The following JPT2 variants were observed in gnomAD, a reference collection of about 807,000 sequenced individuals.
JPT2 encodes CRAMP_1 like.
Under a neutral mutation model 15.9 loss-of-function variants are expected in JPT2, and 9 were observed. The observed-to-expected ratio is 0.57, with a 90% CI of 0.34 to 0.99. The LOEUF (loss-of-function observed/expected upper bound fraction) is 0.99, where lower values mean the gene tolerates loss of function less well. Ranked by LOEUF, JPT2 falls within the 50% of genes least tolerant of loss-of-function variation. The pLI is 0.02. For synonymous variants in JPT2, 95 were observed against 91.7 expected, an observed-to-expected ratio of 1.04 and a Z score of -0.21; for missense variants, 267 against 252.1, an observed-to-expected ratio of 1.06 and a Z score of -0.40.
chr16:1,699,220 C>A lies in JPT2; in HGVS notation c.*222C>A. The A allele has an allele frequency of 5.0e-5, 30 of 601,062 alleles. No individual in the cohort carries two copies. The highest frequency in any genetic ancestry group is 5.3e-5 in the Non-Finnish European group (17 of 321,868). The allele number at this position is 601,062 out of a possible 1,614,324, so 37.2% of individuals were successfully genotyped here. On this transcript the variant is annotated 3_prime_UTR_variant, in exon 5 of 5. Transcript: ENST00000248098. ...GGGGATGAAATGGGGCACCCCTGGCCATCACTCATGTGTAGTCCAGGTTTG... is the reference window on the plus strand; with the variant it reads ...GGGGATGAAATGGGGCACCCCTGGCAATCACTCATGTGTAGTCCAGGTTTG...
intron 3 of JPT2, 89 bp from the exon 4 acceptor site, chr16:1,697,723 A>G: frequency 3.3e-6 from 4 of 1,229,780 alleles, no homozygotes; most frequent in African/African-American, 1.5e-5. Context: ...GTAAATTAAA[A>G]GGTTATATGG....
At chr16:1,685,808 T>A (rs2037060626) in intron 2 of JPT2, 3 of 424,562 alleles carry the variant, frequency 7.1e-6, no homozygotes, top group Non-Finnish European at 8.1e-6. Flanking sequence ...TTTGGTTGAA[T>A]ACAGGCACTG....
In JPT2 at chr16:1,698,890, G is replaced by A. The variant is rs771797906; in HGVS notation, c.465G>A (p.Glu155=). Residue 155 remains glutamate (E), a synonymous_variant, in exon 5 of 5, where the codon GAG becomes GAA. Transcript: ENST00000248098. The surrounding 1 kb of genome is among the most constrained non-coding windows in gnomAD (Gnocchi z 4.9). ...AAGCAGGCCCCGCCAAGGAGCAGGA[G>A]CCCATGCCCACAGTCGACAGCCATG... is the stretch of plus-strand genomic sequence containing the variant. The part of the protein sequence containing the change: ...ARKAGPAKEQ[E]PMPTVDSHEP... The A allele has an allele frequency of 1.1e-5, 17 of 1,614,128 alleles. No homozygotes were observed. The highest frequency in any genetic ancestry group is 1.6e-4 in the Middle Eastern group (1 of 6,082).
At position 1,689,382 on chromosome 16, in the gene JPT2, A is replaced by G. The variant is rs530190856; in HGVS notation, c.194-2461A>G. 6 of 152,312 alleles carry G rather than the reference A, an allele frequency of 3.9e-5. No homozygotes were observed. In the East Asian group the frequency reaches 1.2e-3, roughly 29 times the overall value. The allele number at this position is 152,312 out of a possible 1,614,324, so 9.4% of individuals were successfully genotyped here. A position where few individuals can be genotyped will look rare whatever the true frequency, so the allele number is the denominator to read the frequency against. On this transcript the variant is annotated intron_variant, in intron 2 of 4. Transcript: ENST00000248098. ...CTGAGGGCTTACTCAGCAGGCCAGG[A>G]CTATTCTAACCACGTCACCTGAGTT... is the stretch of plus-strand genomic sequence containing the variant.
Position 1,700,269 on chromosome 16 carries a change from A to G in JPT2, c.*1271A>G. 1 of 424,802 alleles carries G rather than the reference A, an allele frequency of 2.4e-6. No individual in the cohort carries two copies. The highest frequency in any genetic ancestry group is 4.9e-6 in the Non-Finnish European group (1 of 204,126). 26.3% of individuals were successfully genotyped at this position (424,802 alleles called of 1,614,324 possible). ...TTCCCTGAGCTTTGCTCACTCAGCT[A>G]ATGGGATGGCAAAGGTGGTGGTGCT... On this transcript the variant is annotated 3_prime_UTR_variant, in exon 5 of 5. Transcript: ENST00000248098.
chr16:1,680,377 G>T (rs2037012899), intron 1 of JPT2: 1 of 1,046,850 alleles, frequency 9.6e-7, no homozygotes, highest in Non-Finnish European at 1.2e-6. Context: ...GCACAGGGCC[G>T]CACTAAAGTC....
intron 3 of JPT2, among the ~76,000 whole-genome samples, chr16:1,696,386 A>T (rs922200497): frequency 7.9e-5 from 12 of 151,904 alleles, no homozygotes; most frequent in African/African-American, 2.9e-4. Flanking sequence ...CAAAAAAAGT[A>T]GCTGGGCGCC....
At position 1,698,869 on chromosome 16, in the gene JPT2, A is replaced by C. The variant is rs1413508525; in HGVS notation, c.444A>C (p.Ala148=). 1 of 1,614,072 alleles carries C rather than the reference A, an allele frequency of 6.2e-7. No individual in the cohort carries two copies. Among genetic ancestry groups the C allele is most frequent in the African/African-American group, 1.3e-5 (1 of 74,948 alleles). The change falls in exon 5 of 5, where the codon GCA becomes GCC. Residue 148 remains alanine, a synonymous_variant. Transcript: ENST00000248098. The surrounding 1 kb of genome is among the most constrained non-coding windows in gnomAD (Gnocchi z 4.9). ...EPGEKGSARK[A]GPAKEQEPMP... ...GTGAGAAAGGCAGCGCCAGAAAAGCAGGCCCCGCCAAGGAGCAGGAGCCCA... is the reference window on the plus strand; with the variant it reads ...GTGAGAAAGGCAGCGCCAGAAAAGCCGGCCCCGCCAAGGAGCAGGAGCCCA...
At chr16:1,683,752 T>A (rs1479104606) in intron 1 of JPT2, 1 of 582,226 alleles carries the variant, frequency 1.7e-6, no homozygotes, top group East Asian at 3.0e-5. Context: ...TTTCTAGATC[T>A]TTTGAGGAGA....
In JPT2 at chr16:1,701,952, A is replaced by T. The variant is rs896038679; in HGVS notation, c.*2954A>T. 7 of 341,508 alleles carry T rather than the reference A, an allele frequency of 2.0e-5. No individual in the cohort carries two copies. Among genetic ancestry groups the T allele is most frequent in the Non-Finnish European group, 3.6e-5 (6 of 168,540 alleles). The allele number at this position is 341,508 out of a possible 1,614,324, so 21.2% of individuals were successfully genotyped here. On this transcript the variant is annotated 3_prime_UTR_variant, in exon 5 of 5. Transcript: ENST00000248098. ...AGCTACTCGGGAGGCTGAGTGAGGCAGGAGGATCACTTGAGACCAGGAGGT... is the reference window on the plus strand; with the variant it reads ...AGCTACTCGGGAGGCTGAGTGAGGCTGGAGGATCACTTGAGACCAGGAGGT...
At chr16:1,681,259 G>T (rs1389466008) in intron 1 of JPT2, among the ~76,000 whole-genome samples, 1 of 152,148 alleles carries the variant, frequency 6.6e-6, no homozygotes, top group East Asian at 1.9e-4. Context: ...CCCCTTTGAG[G>T]CAGCCCAGCC....
intron 3 of JPT2, chr16:1,692,189 C>T (rs1054119610): frequency 2.0e-5 from 13 of 664,334 alleles, no homozygotes; most frequent in East Asian, 1.5e-4. Flanking sequence ...TGACTGAAGC[C>T]GTGGGGGAAG....
chr16:1,697,115 T>A (rs2037147582), intron 3 of JPT2, among the ~76,000 whole-genome samples: 1 of 152,224 alleles, frequency 6.6e-6, no homozygotes, highest in Admixed American at 6.5e-5. Context: ...GGAATATTAC[T>A]CAGCCATAGA....
Position 1,699,009 on chromosome 16 carries a change from T to C in JPT2, c.*11T>C. ...ATCTCCTTCTACTAAGAGAAGCCACTGCTCCACCCGGAGCCAGACCAGAAA... is the reference window on the plus strand; with the variant it reads ...ATCTCCTTCTACTAAGAGAAGCCACCGCTCCACCCGGAGCCAGACCAGAAA... On this transcript the variant is annotated 3_prime_UTR_variant, in exon 5 of 5. Transcript: ENST00000248098. 6.2e-7 allele frequency: 1 copy of C among 1,611,594 alleles called. No individual in the cohort carries two copies. Among genetic ancestry groups the C allele is most frequent in the Non-Finnish European group, 8.5e-7 (1 of 1,178,586 alleles).
rs1192341521 is a variant in JPT2 at position 1,699,324 on chromosome 16, G to T, written c.*326G>T. ...GGATCAACAGCCCGCCAGCTGATTG[G>T]ATGTCTAGGAATGACTGAAAGAAAC... is the stretch of plus-strand genomic sequence containing the variant. On this transcript the variant is annotated 3_prime_UTR_variant, in exon 5 of 5. Coordinates refer to ENST00000248098, the MANE Select transcript of JPT2 (RefSeq NM_144570.3). 1.9e-6 allele frequency: 1 copy of T among 533,574 alleles called. No individual in the cohort carries two copies. 33.1% of individuals were successfully genotyped at this position (533,574 alleles called of 1,614,324 possible).
At chr16:1,686,198 C>G (rs2037064312) in intron 2 of JPT2, 1 of 151,506 alleles carries the variant, frequency 6.6e-6, no homozygotes. Context: ...CAGTGAAACC[C>G]CATCTCTACT....
chr16:1,683,909 C>G (rs1317443635), intron 1 of JPT2, among the ~76,000 whole-genome samples: 1 of 152,056 alleles, frequency 6.6e-6, no homozygotes, highest in African/African-American at 2.4e-5. Flanking sequence ...GGAGTTGGTT[C>G]CAGGACCCCC....
intron 1 of JPT2, among the ~76,000 whole-genome samples, chr16:1,678,859 G>A (rs1008811685): frequency 2.0e-5 from 3 of 152,196 alleles, no homozygotes; most frequent in Non-Finnish European, 4.4e-5. Flanking sequence ...GTGTGCCCGT[G>A]TCCCTGGTGT....
intron 1 of JPT2, among the ~76,000 whole-genome samples, chr16:1,685,144 T>A (rs995924399): frequency 6.6e-6 from 1 of 151,896 alleles, no homozygotes; most frequent in African/African-American, 2.4e-5. Context: ...TTTGGCAACA[T>A]GGCAAAACCC....
Sources: gnomAD v4.1 joint callset for allele counts (sites outside exome capture counted in the v4.1 genomes callset) on GRCh38, gnomAD v4.1.1 for gene constraint, Gnocchi (gnomAD v3.1) non-coding constraint, MANE v1.5 for transcripts, NCBI Gene and HGNC (gene_info 2026-07-23, HGNC 2026-07-21) for gene names.